Variants in ANKS1B observed in about 807,000 individuals in gnomAD.
ANKS1B encodes the protein ankyrin repeat and sterile alpha motif domain-containing protein 1B.
ANKS1B carries 36 observed loss-of-function variants against 148.3 expected under a neutral mutation model. The observed-to-expected ratio is 0.24, with a 90% CI of 0.19 to 0.32. ANKS1B has a LOEUF of 0.32. Ranked by LOEUF, ANKS1B falls within the 10% of genes least tolerant of loss-of-function variation. The pLI is 1.00. For missense variants in ANKS1B, 1,157 were observed against 1,542.6 expected, an observed-to-expected ratio of 0.75 and a Z score of 4.19; for synonymous variants, 542 against 560.8, an observed-to-expected ratio of 0.97 and a Z score of 0.47.
chr12:99,963,844 A>G (rs1293196549), intron 1 of ANKS1B, among the ~76,000 whole-genome samples: 2 of 152,194 alleles, frequency 1.3e-5, no homozygotes, highest in African/African-American at 4.8e-5. Flanking sequence ...TGACATTTTA[A>G]AAATCATAGT....
At position 99,015,072 on chromosome 12, in the gene ANKS1B, T is replaced by A. The variant is rs571764980; in HGVS notation, c.2778+38085A>T. On this transcript the variant is annotated intron_variant, in intron 17 of 26. Transcript: ENST00000683438. ...ATTATAAAGACACGTGCACGTTGCA[T>A]GTGTATGTTCATTGCAGCACTATTC... Among the ~76,000 whole-genome samples, 207 of 152,292 alleles carry A rather than the reference T, an allele frequency of 1.4e-3. 2 individuals carry two copies. Among genetic ancestry groups the A allele is most frequent in the African/African-American group, 4.7e-3 (197 of 41,572 alleles).
At chr12:98,824,012 T>G (rs2099224663) in intron 19 of ANKS1B, among the ~76,000 whole-genome samples, 1 of 152,220 alleles carries the variant, frequency 6.6e-6, no homozygotes, top group African/African-American at 2.4e-5. Context: ...TCCATGCTTT[T>G]TAAGCTAACA....
At chr12:98,821,335 G>T (rs1419698032) in intron 19 of ANKS1B, among the ~76,000 whole-genome samples, 1 of 152,162 alleles carries the variant, frequency 6.6e-6, no homozygotes, top group Non-Finnish European at 1.5e-5. Flanking sequence ...GCCCATTATT[G>T]CTATTTCTGC....
chr12:99,352,890 T>C (rs944577683), intron 12 of ANKS1B, among the ~76,000 whole-genome samples: 4 of 152,054 alleles, frequency 2.6e-5, no homozygotes, highest in African/African-American at 9.7e-5. Context: ...ATTATAGATA[T>C]AACTAAAGAT....
chr12:98,979,105 G>T (rs994121761), intron 17 of ANKS1B, among the ~76,000 whole-genome samples: 2 of 151,426 alleles, frequency 1.3e-5, no homozygotes, highest in Non-Finnish European at 2.9e-5. Context: ...TTGCGCCACT[G>T]CACTCTAGCC....
intron 17 of ANKS1B, among the ~76,000 whole-genome samples, chr12:98,963,447 G>A (rs1486761520): frequency 6.6e-6 from 1 of 151,912 alleles, no homozygotes; most frequent in Non-Finnish European, 1.5e-5. Context: ...CAAAGTGCTG[G>A]GATTACAGGG....
At position 99,191,345 on chromosome 12, in the gene ANKS1B, G is replaced by GATT. The variant is rs1331604855; in HGVS notation, c.2420-36951_2420-36950insAAT. On this transcript the variant is annotated intron_variant, in intron 14 of 26. Transcript: ENST00000683438. Reference sequence around the variant, plus strand: ...TTTGACCCAACAATCCCATTACTGGGTACATACCCAAAGGAGTATAAATCA... The same window carrying GATT: ...TTTGACCCAACAATCCCATTACTGGGATTTACATACCCAAAGGAGTATAAATCA... 7.2e-5 allele frequency among the ~76,000 whole-genome samples: 11 copies of GATT among 152,280 alleles called. No homozygotes were observed. The South Asian group carries it at 2.3e-3, about 32-fold the overall frequency.
At chr12:98,987,103 C>T (rs1311157077) in intron 17 of ANKS1B, among the ~76,000 whole-genome samples, 3 of 151,028 alleles carry the variant, frequency 2.0e-5, no homozygotes, top group African/African-American at 4.9e-5. Flanking sequence ...TAGTAGAATG[C>T]GATTTAAATA....
At chr12:98,869,253 A>T (rs2099641005) in intron 17 of ANKS1B, among the ~76,000 whole-genome samples, 4 of 152,180 alleles carry the variant, frequency 2.6e-5, no homozygotes, top group Non-Finnish European at 5.9e-5. Context: ...TTCAATACAT[A>T]TTTATTAAGA....
At chr12:98,739,034 T>A (rs911878567), downstream of ANKS1B, among the ~76,000 whole-genome samples, 2 of 152,200 alleles carry the variant, frequency 1.3e-5, no homozygotes, top group Admixed American at 6.5e-5. Context: ...AACTGAATCA[T>A]AACAGTGCTG....
rs2099845055 is a variant in ANKS1B at position 98,946,066 on chromosome 12, T to C, written c.2778+107091A>G. Reference sequence around the variant, plus strand: ...CCAATTGTGGTTTTTCCATCCCTATTCCCAGTGAGGCAACTTGTTGCATGT... The same window carrying C: ...CCAATTGTGGTTTTTCCATCCCTATCCCCAGTGAGGCAACTTGTTGCATGT... On this transcript the variant is annotated intron_variant, in intron 17 of 26. Transcript: ENST00000683438. Among the ~76,000 whole-genome samples the C allele has an allele frequency of 2.6e-5, 4 of 152,162 alleles. No homozygotes were observed. The South Asian group carries it at 6.2e-4, about 24-fold the overall frequency.
At chr12:99,080,134 T>C (rs1277103612) in intron 16 of ANKS1B, among the ~76,000 whole-genome samples, 1 of 152,216 alleles carries the variant, frequency 6.6e-6, no homozygotes, top group Non-Finnish European at 1.5e-5. Flanking sequence ...TCCTGCCTCC[T>C]TGCTTGGCCG....
At chr12:99,650,517 G>T (rs118104393) in intron 9 of ANKS1B, among the ~76,000 whole-genome samples, 122 of 152,230 alleles carry the variant, frequency 8.0e-4, no homozygotes, top group South Asian at 2.3e-3. Context: ...CTTCATTCTT[G>T]ATTTCCTTTC....
chr12:99,764,383 G>A (rs1051357238), intron 8 of ANKS1B, among the ~76,000 whole-genome samples: 2 of 152,118 alleles, frequency 1.3e-5, no homozygotes, highest in South Asian at 2.1e-4. Flanking sequence ...AAACATGAAC[G>A]TGGACAATAA....
chr12:99,142,536 A>G (rs2153800321), intron 15 of ANKS1B, among the ~76,000 whole-genome samples: 1 of 152,222 alleles, frequency 6.6e-6, no homozygotes, highest in African/African-American at 2.4e-5. Context: ...GAGAGGGTAG[A>G]GAAGAAGGCT....
rs147008833 is a variant in ANKS1B, at chr12:99,905,195, A to G, written c.134+78909T>C. 1.5e-3 allele frequency among the ~76,000 whole-genome samples: 236 copies of G among 152,320 alleles called. 1 individual carries two copies. The highest frequency in any genetic ancestry group is 5.2e-3 in the African/African-American group (218 of 41,566). ...TTAATTGTTGGATTACTCTGACTACAGTTACATTAAAAAGAAAGTGCCCTG... is the reference window on the plus strand; with the variant it reads ...TTAATTGTTGGATTACTCTGACTACGGTTACATTAAAAAGAAAGTGCCCTG... On this transcript the variant is annotated intron_variant, in intron 1 of 26. Coordinates refer to ENST00000683438, the MANE Select transcript of ANKS1B (RefSeq NM_001352186.2).
At chr12:99,381,653 G>C (rs1043489857) in intron 12 of ANKS1B, among the ~76,000 whole-genome samples, 1 of 152,208 alleles carries the variant, frequency 6.6e-6, no homozygotes, top group Non-Finnish European at 1.5e-5. Flanking sequence ...TGAGACTTCA[G>C]TGCAAGAGTG....
intron 8 of ANKS1B, among the ~76,000 whole-genome samples, chr12:99,748,568 C>T (rs2060817031): frequency 6.6e-6 from 1 of 151,834 alleles, no homozygotes; most frequent in Admixed American, 6.6e-5. Flanking sequence ...ATACTTATGC[C>T]AGAATTTTTC....
intron 1 of ANKS1B, among the ~76,000 whole-genome samples, chr12:99,832,433 C>T (rs1216432041): frequency 2.0e-5 from 3 of 151,844 alleles, no homozygotes; most frequent in Non-Finnish European, 4.4e-5. Flanking sequence ...ACTAAAAATA[C>T]CAAAAATTAG....
Sources: allele counts gnomAD v4.1 joint callset (sites outside exome capture counted in the v4.1 genomes callset), GRCh38; gene constraint gnomAD v4.1.1; transcripts MANE v1.5; gene names NCBI Gene and HGNC (gene_info 2026-07-23, HGNC 2026-07-21).